The following CSMD1 variants were observed in gnomAD, a reference collection of about 807,000 sequenced individuals.
The protein encoded by CSMD1 is CUB and sushi domain-containing protein 1.
Under a neutral mutation model 417.5 loss-of-function variants are expected in CSMD1, and 213 were observed. The observed-to-expected ratio is 0.51, with a 90% CI of 0.46 to 0.57. The LOEUF (loss-of-function observed/expected upper bound fraction) is 0.57. Ranked by LOEUF, CSMD1 falls within the 20% of genes least tolerant of loss-of-function variation. The pLI, the probability that CSMD1 is intolerant of heterozygous loss-of-function variation, is 0.00. For missense variants in CSMD1, 6,923 were observed against 4,529.7 expected, an observed-to-expected ratio of 1.53 and a Z score of -15.17; for synonymous variants, 2,862 against 1,736.8, an observed-to-expected ratio of 1.65 and a Z score of -16.11.
At chr8:4,712,910 G>C (rs1584982952) in intron 1 of CSMD1, among the ~76,000 whole-genome samples, 2 of 152,090 alleles carry the variant, frequency 1.3e-5, no homozygotes, top group East Asian at 3.9e-4. Flanking sequence ...TTTCAAAAAG[G>C]GTGCTTGATT....
At chr8:4,087,323 T>A (rs1273190138) in intron 3 of CSMD1, among the ~76,000 whole-genome samples, 2 of 152,176 alleles carry the variant, frequency 1.3e-5, no homozygotes, top group Non-Finnish European at 2.9e-5. Flanking sequence ...CAGGGACCAT[T>A]CACACTCCCC....
intron 1 of CSMD1, among the ~76,000 whole-genome samples, chr8:4,822,778 C>T (rs1375679991): frequency 6.6e-6 from 1 of 152,016 alleles, no homozygotes; most frequent in African/African-American, 2.4e-5. Context: ...CTGGGTATGG[C>T]AATCAAATCT....
At chr8:3,315,791 T>G (rs1444593472) in intron 23 of CSMD1, among the ~76,000 whole-genome samples, 1 of 152,194 alleles carries the variant, frequency 6.6e-6, no homozygotes, top group African/African-American at 2.4e-5. Flanking sequence ...GGAACTGTCT[T>G]ATTTTTTATC....
intron 2 of CSMD1, among the ~76,000 whole-genome samples, chr8:4,443,686 T>G (rs1272465070): frequency 6.6e-6 from 1 of 152,332 alleles, no homozygotes; most frequent in Non-Finnish European, 1.5e-5. Context: ...CATTCAATCC[T>G]GCAATTCCCA....
At chr8:2,961,724 C>G (rs1337713943) in intron 61 of CSMD1, among the ~76,000 whole-genome samples, 1 of 152,162 alleles carries the variant, frequency 6.6e-6, no homozygotes, top group Admixed American at 6.5e-5. Context: ...ACTTGGGTAA[C>G]CCAGTGGCAC....
chr8:4,127,856 G>A (rs556968656), intron 3 of CSMD1, among the ~76,000 whole-genome samples: 204 of 152,210 alleles, frequency 1.3e-3, no homozygotes, highest in African/African-American at 4.5e-3. Flanking sequence ...TTTTGCAGAT[G>A]AAGAAACCCA....
chr8:3,025,154 CTGTGTATTGTGTGGTGTTATT>C (rs1563251011), intron 51 of CSMD1, among the ~76,000 whole-genome samples: 9 of 148,604 alleles, frequency 6.1e-5, no homozygotes, highest in African/African-American at 2.0e-4. Context: ...TATTCTGAAA[CTGTGTATTGTGTGGTGTTATT>C]CTGATACCGT....
At chr8:4,018,527 T>A (rs1234764768) in intron 4 of CSMD1, among the ~76,000 whole-genome samples, 1 of 152,154 alleles carries the variant, frequency 6.6e-6, no homozygotes, top group Non-Finnish European at 1.5e-5. Flanking sequence ...AGCTTCCCTC[T>A]CTCTGGGACC....
intron 1 of CSMD1, among the ~76,000 whole-genome samples, chr8:4,779,757 T>C (rs1317647183): frequency 6.6e-6 from 1 of 152,150 alleles, no homozygotes; most frequent in Non-Finnish European, 1.5e-5. Context: ...TCCTGCTAAT[T>C]GCGGTTTGCT....
chr8:3,534,653 A>G (rs1216447505), intron 10 of CSMD1, among the ~76,000 whole-genome samples: 1 of 152,154 alleles, frequency 6.6e-6, no homozygotes, highest in Non-Finnish European at 1.5e-5. Context: ...TGCCATTTCC[A>G]TAGCCAAACA....
chr8:3,319,489 A>G (rs903281220), intron 23 of CSMD1, among the ~76,000 whole-genome samples: 8 of 152,260 alleles, frequency 5.3e-5, no homozygotes, highest in African/African-American at 1.9e-4. Flanking sequence ...GTGGCAAGTA[A>G]AAGATAGTTC....
At chr8:4,075,877 G>C (rs568881206) in intron 3 of CSMD1, among the ~76,000 whole-genome samples, 2 of 152,194 alleles carry the variant, frequency 1.3e-5, no homozygotes, top group Non-Finnish European at 2.9e-5. Flanking sequence ...ATCTGTTCTA[G>C]CCCAGAAATT....
At chr8:3,339,732 A>T (rs1191043889) in intron 23 of CSMD1, among the ~76,000 whole-genome samples, 1 of 152,154 alleles carries the variant, frequency 6.6e-6, no homozygotes, top group Non-Finnish European at 1.5e-5. Flanking sequence ...AATGACAATC[A>T]TCCATTCTAA....
chr8:4,227,596 C>A (rs370807513), intron 3 of CSMD1, among the ~76,000 whole-genome samples: 1 of 152,052 alleles, frequency 6.6e-6, no homozygotes, highest in South Asian at 2.1e-4. Context: ...CCCCCGACCT[C>A]AGGATTCCCT....
At chr8:4,987,142 A>G (rs1480673596) in intron 1 of CSMD1, among the ~76,000 whole-genome samples, 1 of 152,208 alleles carries the variant, frequency 6.6e-6, no homozygotes, top group African/African-American at 2.4e-5. Flanking sequence ...CTGTATCAGA[A>G]TTACCTGGGA....
chr8:4,359,634 T>A (rs1584953910), intron 3 of CSMD1, among the ~76,000 whole-genome samples: 1 of 152,164 alleles, frequency 6.6e-6, no homozygotes, highest in Admixed American at 6.6e-5. Context: ...TGTGTTTGAG[T>A]CATGCTCCCC....
At position 3,795,724 on chromosome 8, in the gene CSMD1, A is replaced by AAATC. The variant is rs1427695797; in HGVS notation, c.819-41683_819-41682insGATT. Among the ~76,000 whole-genome samples the AAATC allele has an allele frequency of 1.5e-3, 74 of 48,482 alleles. 28 individuals are homozygous for AAATC. The highest frequency in any genetic ancestry group is 2.3e-3 in the Non-Finnish European group (56 of 23,830). 31.8% of individuals were successfully genotyped at this position (48,482 alleles called of 152,430 possible). A position where few individuals can be genotyped will look rare whatever the true frequency, so the allele number is the denominator to read the frequency against. ...ATATATCTATCAAGTACAGCTATAG[A>AAATC]TATCTATCATGTACAGCTATAGATA... is the stretch of plus-strand genomic sequence containing the variant. On this transcript the variant is annotated intron_variant, in intron 5 of 69. Coordinates refer to ENST00000635120, the MANE Select transcript of CSMD1 (RefSeq NM_033225.6).
At chr8:3,405,949 G>A (rs1467882173) in intron 15 of CSMD1, 78 bp downstream of exon 15, 2 of 1,392,194 alleles carry the variant, frequency 1.4e-6, no homozygotes, top group African/African-American at 1.4e-5. Flanking sequence ...AGCTAACACA[G>A]TTTGTTGGTT....
chr8:4,177,465 A>G (rs1449738013), intron 3 of CSMD1, among the ~76,000 whole-genome samples: 1 of 152,192 alleles, frequency 6.6e-6, no homozygotes, highest in African/African-American at 2.4e-5. Flanking sequence ...CTAAATGTCC[A>G]CAAGAGAAAG....
Sources: allele counts gnomAD v4.1 joint callset (sites outside exome capture counted in the v4.1 genomes callset), GRCh38; gene constraint gnomAD v4.1.1; transcripts MANE v1.5; gene names NCBI Gene and HGNC (gene_info 2026-07-23, HGNC 2026-07-21).